SCAPER: variants seen among roughly 807,000 people sequenced by gnomAD.
SCAPER encodes the protein S-phase cyclin A associated protein in the ER, also known as S phase cyclin A-associated protein in the endoplasmic reticulum.
In SCAPER, 98 loss-of-function variants were observed where a neutral mutation model predicts 182.2. The observed-to-expected ratio is 0.54, with a 90% CI of 0.46 to 0.64. The LOEUF (loss-of-function observed/expected upper bound fraction) is 0.64, where lower values mean the gene tolerates loss of function less well. Among genes scored for constraint, SCAPER ranks in the 30% least tolerant of loss-of-function variants. The pLI is 0.00. For missense variants in SCAPER, 1,432 were observed against 1,690.0 expected (o/e 0.85, Z 2.68); for synonymous variants, 605 against 564.6 (o/e 1.07, Z -1.01).
chr15:76,775,581 G>A (rs1034308067), intron 8 of SCAPER, among the ~76,000 whole-genome samples: 2 of 152,082 alleles, frequency 1.3e-5, no homozygotes, highest in Non-Finnish European at 2.9e-5. Flanking sequence ...CATTGGTTCT[G>A]GTGTCCATCC....
At chr15:76,423,491 C>G (rs922844090) in intron 26 of SCAPER, among the ~76,000 whole-genome samples, 2 of 152,070 alleles carry the variant, frequency 1.3e-5, no homozygotes, top group Non-Finnish European at 2.9e-5. Context: ...TTTATTGTGT[C>G]TATTTGATTA....
chr15:76,466,419 CTTTTTTTTT>C lies in SCAPER; in HGVS notation c.3078+4784_3078+4792del. ...TCAGTTCCAAAATTGGTTGGTTCTT[CTTTTTTTTT>C]TTTTTTTTTTTTTTGTATTTTCTGT... On this transcript the variant is annotated intron_variant, in intron 25 of 31. Transcript: ENST00000563290. Among the ~76,000 whole-genome samples the C allele has an allele frequency of 6.4e-3, 241 of 37,422 alleles. 1 individual carries two copies. The highest frequency in any genetic ancestry group is 9.6e-3 in the Admixed American group (20 of 2,086). 24.6% of individuals were successfully genotyped at this position (37,422 alleles called of 152,430 possible). A position where few individuals can be genotyped will look rare whatever the true frequency, so the allele number is the denominator to read the frequency against.
intron 29 of SCAPER, among the ~76,000 whole-genome samples, chr15:76,367,154 A>G (rs2041867872): frequency 6.6e-6 from 1 of 152,188 alleles, no homozygotes; most frequent in Non-Finnish European, 1.5e-5. Context: ...CTTTATACAG[A>G]CAGGAAACTA....
At chr15:76,467,442 T>C (rs1212357768) in intron 25 of SCAPER, among the ~76,000 whole-genome samples, 1 of 168 alleles carries the variant, frequency 6.0e-3, no homozygotes, top group African/African-American at 6.3e-3. Flanking sequence ...TTGGGGTGTC[T>C]TTTTTTTTTT....
chr15:76,624,564 G>A (rs1181666138), intron 21 of SCAPER, among the ~76,000 whole-genome samples: 1 of 151,990 alleles, frequency 6.6e-6, no homozygotes, highest in Non-Finnish European at 1.5e-5. Context: ...TGAGTATTTT[G>A]TCACCTTATG....
intron 4 of SCAPER, among the ~76,000 whole-genome samples, chr15:76,851,385 T>C (rs2070742109): frequency 6.6e-6 from 1 of 152,066 alleles, no homozygotes; most frequent in Admixed American, 6.5e-5. Flanking sequence ...AGACATGTAA[T>C]CATCAGATTT....
At chr15:76,401,169 T>C (rs1245393968) in intron 27 of SCAPER, among the ~76,000 whole-genome samples, 1 of 152,102 alleles carries the variant, frequency 6.6e-6, no homozygotes, top group Non-Finnish European at 1.5e-5. Flanking sequence ...ATATCATATA[T>C]AACAACCCTT....
At chr15:76,879,391 G>A (rs1790598715) in intron 2 of SCAPER, among the ~76,000 whole-genome samples, 2 of 152,022 alleles carry the variant, frequency 1.3e-5, no homozygotes, top group South Asian at 4.2e-4. Flanking sequence ...CAATCTGCTC[G>A]CCTAGCCACA....
At chr15:76,762,673 G>C (rs1320798507) in intron 14 of SCAPER, among the ~76,000 whole-genome samples, 2 of 152,060 alleles carry the variant, frequency 1.3e-5, no homozygotes, top group African/African-American at 4.8e-5. Flanking sequence ...CTTAGTAACA[G>C]GATGCGGCTC....
chr15:76,405,543 A>G (rs887461823), intron 26 of SCAPER, among the ~76,000 whole-genome samples: 35 of 152,236 alleles, frequency 2.3e-4, no homozygotes, highest in Non-Finnish European at 7.3e-5. Context: ...AGGGTTGACA[A>G]CAACATTTAA....
intron 24 of SCAPER, among the ~76,000 whole-genome samples, chr15:76,489,386 C>T (rs2052048180): frequency 6.6e-6 from 1 of 151,324 alleles, no homozygotes; most frequent in African/African-American, 2.4e-5. Context: ...GTGAAACCAC[C>T]ACAATAAAGA....
intron 27 of SCAPER, among the ~76,000 whole-genome samples, chr15:76,386,512 G>A (rs979427646): frequency 4.6e-5 from 7 of 152,112 alleles, no homozygotes; most frequent in Non-Finnish European, 1.0e-4. Context: ...AATATGTAAC[G>A]TATGGTGTGA....
intron 21 of SCAPER, among the ~76,000 whole-genome samples, chr15:76,635,863 G>A (rs2053552532): frequency 6.6e-6 from 1 of 152,148 alleles, no homozygotes; most frequent in South Asian, 2.1e-4. Context: ...ATTATATTGT[G>A]TGACTTTTTT....
chr15:76,750,661 C>T (rs2062035582), intron 15 of SCAPER, among the ~76,000 whole-genome samples: 1 of 151,804 alleles, frequency 6.6e-6, no homozygotes, highest in African/African-American at 2.4e-5. Context: ...AGGAAAAAAA[C>T]ACACAGTCTC....
chr15:76,682,589 C>T (rs2057791879), intron 20 of SCAPER, among the ~76,000 whole-genome samples: 1 of 152,144 alleles, frequency 6.6e-6, no homozygotes, highest in Non-Finnish European at 1.5e-5. Flanking sequence ...CATTTGCTGA[C>T]ACATACAAGT....
At chr15:76,858,944 G>T (rs1039642243) in intron 3 of SCAPER, among the ~76,000 whole-genome samples, 3 of 152,116 alleles carry the variant, frequency 2.0e-5, no homozygotes, top group African/African-American at 7.2e-5. Flanking sequence ...ACACATACAT[G>T]TATCTTTATG....
intron 2 of SCAPER, 111 bp downstream of exon 2, chr15:76,883,701 G>T: frequency 1.1e-6 from 1 of 880,400 alleles, no homozygotes; most frequent in Non-Finnish European, 1.7e-6. Flanking sequence ...TTATGACAAT[G>T]TGTTCCATAG....
intron 23 of SCAPER, among the ~76,000 whole-genome samples, chr15:76,524,694 T>C (rs1469720349): frequency 7.0e-6 from 1 of 142,132 alleles, no homozygotes; most frequent in African/African-American, 2.6e-5. Flanking sequence ...GTTCTGTTTT[T>C]TTTTTTTTTT....
At chr15:76,494,056 T>C (rs2040261810) in intron 24 of SCAPER, among the ~76,000 whole-genome samples, 1 of 152,214 alleles carries the variant, frequency 6.6e-6, no homozygotes, top group Non-Finnish European at 1.5e-5. Context: ...CAATGGATTG[T>C]AGTATAAATT....
Sources: gnomAD v4.1 joint callset for allele counts (sites outside exome capture counted in the v4.1 genomes callset) on GRCh38, gnomAD v4.1.1 for gene constraint, MANE v1.5 for transcripts, NCBI Gene and HGNC (gene_info 2026-07-23, HGNC 2026-07-21) for gene names.